Variants in FLT3 observed in about 807,000 individuals in gnomAD.
The protein encoded by FLT3 is fms related receptor tyrosine kinase 3, also known as receptor-type tyrosine-protein kinase FLT3.
In FLT3, 46 loss-of-function variants were observed where a neutral mutation model predicts 126.6. The observed-to-expected ratio is 0.36, with a 90% CI of 0.29 to 0.46. The LOEUF (loss-of-function observed/expected upper bound fraction) is 0.46. Ranked by LOEUF, FLT3 falls within the 20% of genes least tolerant of loss-of-function variation. FLT3 has a pLI of 1.00. For synonymous variants in FLT3, 404 were observed against 434.4 expected, an observed-to-expected ratio of 0.93 and a Z score of 0.87; for missense variants, 1,069 against 1,190.3, an observed-to-expected ratio of 0.90 and a Z score of 1.50.
At chr13:28,015,511 G>C (rs1871765571) in intron 21 of FLT3, 79 bp downstream of exon 21, 11 of 779,848 alleles carry the variant, frequency 1.4e-5, no homozygotes, top group Non-Finnish European at 2.2e-5. Flanking sequence ...TCAGTGTTGG[G>C]GGGAGGGGTG....
chr13:28,074,226 C>G (rs1049841244), intron 1 of FLT3, among the ~76,000 whole-genome samples: 1 of 152,046 alleles, frequency 6.6e-6, no homozygotes, highest in Non-Finnish European at 1.5e-5. Flanking sequence ...TTTGTCCATA[C>G]TGTAGTAGAT....
chr13:28,032,552 G>A lies in FLT3; in HGVS notation c.1942+1335C>T, dbSNP rs1033471433. On this transcript the variant is annotated intron_variant, in intron 15 of 23. Coordinates refer to ENST00000241453, the MANE Select transcript of FLT3 (RefSeq NM_004119.3). The stretch of plus-strand genomic sequence containing the variant: ...TTGAGCCTGGGAAGTGGAGGTTGCA[G>A]TGAGCTGAGATCACACCACTGCACT... Among the ~76,000 whole-genome samples the A allele has an allele frequency of 5.9e-5, 9 of 152,334 alleles. No homozygotes were observed. In the South Asian group the frequency reaches 6.2e-4, roughly 11 times the overall value.
chr13:28,016,615 G>A (rs1365790207), intron 20 of FLT3, among the ~76,000 whole-genome samples: 2 of 152,152 alleles, frequency 1.3e-5, no homozygotes, highest in Non-Finnish European at 2.9e-5. Context: ...CACAGCACAT[G>A]TTTAATCAGC....
chr13:28,045,214 T>C (rs961478996), intron 9 of FLT3, among the ~76,000 whole-genome samples: 1 of 152,186 alleles, frequency 6.6e-6, no homozygotes, highest in African/African-American at 2.4e-5. Context: ...CTGGCGATTC[T>C]GTAAAATCTC....
At chr13:28,021,348 C>T (rs923271905) in intron 19 of FLT3, among the ~76,000 whole-genome samples, 1 of 152,152 alleles carries the variant, frequency 6.6e-6, no homozygotes, top group Non-Finnish European at 1.5e-5. Context: ...TGAGATCACA[C>T]CCCTGCACTC....
intron 20 of FLT3, among the ~76,000 whole-genome samples, 182 bp from the exon 21 acceptor site, chr13:28,015,883 C>G (rs1871809138): frequency 6.6e-6 from 1 of 152,140 alleles, no homozygotes; most frequent in Admixed American, 6.5e-5. Context: ...TAATACTAGC[C>G]TAAAACATAA....
rs535041980 is a variant in FLT3, at chr13:28,013,866, A to C, written c.2859+586T>G. Among the ~76,000 whole-genome samples, 5 of 152,282 alleles carry C rather than the reference A, an allele frequency of 3.3e-5. No individual in the cohort carries two copies. In the South Asian group the frequency reaches 1.0e-3, roughly 32 times the overall value. Reference sequence around the variant, plus strand: ...TGGAGGCCAGGGATTATTTTTATTTAGTTTTATTTAGTTGTCTACTTCACT... The same window carrying C: ...TGGAGGCCAGGGATTATTTTTATTTCGTTTTATTTAGTTGTCTACTTCACT... On this transcript the variant is annotated intron_variant, in intron 23 of 23. Transcript: ENST00000241453.
intron 1 of FLT3, among the ~76,000 whole-genome samples, chr13:28,098,814 G>T (rs910107039): frequency 6.6e-6 from 1 of 152,044 alleles, no homozygotes; most frequent in African/African-American, 2.4e-5. Context: ...AGAGAACAAG[G>T]TTGAATCTTA....
chr13:28,038,525 T>C (rs1295030927), intron 9 of FLT3, among the ~76,000 whole-genome samples: 1 of 150,154 alleles, frequency 6.7e-6, no homozygotes, highest in African/African-American at 2.5e-5. Context: ...CTATCTCGGC[T>C]CACTGCAAGC....
chr13:28,081,354 T>A (rs1173035370), intron 1 of FLT3, among the ~76,000 whole-genome samples: 1 of 152,190 alleles, frequency 6.6e-6, no homozygotes, highest in Non-Finnish European at 1.5e-5. Context: ...TTCTCCCTGT[T>A]TCATATTTTT....
At chr13:28,050,277 A>AGCGCCGG in intron 5 of FLT3, 55 bp from the exon 6 acceptor site, 1 of 1,567,552 alleles carries the variant, frequency 6.4e-7, no homozygotes. Flanking sequence ...ATTACAAATG[A>AGCGCCGG]ATGCTCAAGA....
At chr13:28,084,367 G>GT (rs1555262377) in intron 1 of FLT3, among the ~76,000 whole-genome samples, 2 of 151,638 alleles carry the variant, frequency 1.3e-5, no homozygotes, top group Non-Finnish European at 2.9e-5. Flanking sequence ...AATTTTGTTT[G>GT]TTTTTTGTTT....
chr13:28,020,503 G>A (rs547969293), intron 19 of FLT3, among the ~76,000 whole-genome samples: 27 of 152,064 alleles, frequency 1.8e-4, no homozygotes, highest in East Asian at 1.2e-3. Flanking sequence ...GTACACCACC[G>A]TGCCTGGCTG....
chr13:28,028,238 T>G lies in FLT3; in HGVS notation c.1993A>C (p.Met665Leu). The stretch of plus-strand genomic sequence containing the variant: ...TTCTCGTGGCTTCCCAGCTGGGTCA[T>G]CATCTTGAGTTCTGACATGAGTGCC... Reference protein sequence around the residue: ...REALMSELKMMTQLGSHENIV... With the variant: ...REALMSELKMLTQLGSHENIV... The change falls in exon 16 of 24, where the codon ATG (methionine) becomes CTG (leucine). Residue 665 changes from methionine (M) to leucine (L), a missense_variant. Transcript: ENST00000241453. 6.2e-7 allele frequency: 1 copy of G among 1,612,170 alleles called. No individual in the cohort carries two copies. Among genetic ancestry groups the G allele is most frequent in the Non-Finnish European group, 8.5e-7 (1 of 1,178,236 alleles).
chr13:28,011,138 C>T (rs1230755271), intron 23 of FLT3, among the ~76,000 whole-genome samples: 4 of 151,166 alleles, frequency 2.6e-5, no homozygotes, highest in African/African-American at 7.3e-5. Context: ...GGTGAAACTC[C>T]GTCTCTGCTA....
At chr13:28,081,113 T>A (rs1878274310) in intron 1 of FLT3, among the ~76,000 whole-genome samples, 1 of 152,182 alleles carries the variant, frequency 6.6e-6, no homozygotes. Context: ...ATTCTAGTTC[T>A]CTTGCATTTC....
At chr13:28,011,848 A>G (rs1266120192) in intron 23 of FLT3, among the ~76,000 whole-genome samples, 1 of 147,414 alleles carries the variant, frequency 6.8e-6, no homozygotes, top group East Asian at 2.0e-4. Flanking sequence ...CCCAGGCTGG[A>G]GTGCAGTGGT....
chr13:28,006,024 CG>C (rs1870852935), intron 23 of FLT3, among the ~76,000 whole-genome samples: 1 of 151,838 alleles, frequency 6.6e-6, no homozygotes. Flanking sequence ...TTTGGGAGGC[CG>C]GGGCGGGAGG....
At chr13:28,086,732 C>T (rs1486361590) in intron 1 of FLT3, among the ~76,000 whole-genome samples, 2 of 151,542 alleles carry the variant, frequency 1.3e-5, no homozygotes, top group Admixed American at 6.6e-5. Context: ...CTTCAACCTC[C>T]GCCTCCCAGG....
Sources: allele counts gnomAD v4.1 joint callset (sites outside exome capture counted in the v4.1 genomes callset), GRCh38; gene constraint gnomAD v4.1.1; transcripts MANE v1.5; gene names NCBI Gene and HGNC (gene_info 2026-07-23, HGNC 2026-07-21).